The following EXOC6B variants were observed in gnomAD, a reference collection of about 807,000 sequenced individuals.
EXOC6B encodes exocyst complex component 6B.
Under a neutral mutation model 113.5 loss-of-function variants are expected in EXOC6B, and 54 were observed. The observed-to-expected ratio is 0.48, with a 90% CI of 0.38 to 0.60. EXOC6B has a LOEUF of 0.60. EXOC6B is among the 20% of genes least tolerant of loss of function. EXOC6B has a pLI of 0.00. For missense variants in EXOC6B, 797 were observed against 977.5 expected, an observed-to-expected ratio of 0.82 and a Z score of 2.46; for synonymous variants, 357 against 339.0, an observed-to-expected ratio of 1.05 and a Z score of -0.58.
At chr2:72,629,788 C>T (rs970767844) in intron 6 of EXOC6B, among the ~76,000 whole-genome samples, 2 of 152,104 alleles carry the variant, frequency 1.3e-5, no homozygotes, top group African/African-American at 4.8e-5. Context: ...AATTACCTTC[C>T]AATTTGTAAA....
At chr2:72,318,057 A>G (rs1687627194) in intron 20 of EXOC6B, among the ~76,000 whole-genome samples, 1 of 152,166 alleles carries the variant, frequency 6.6e-6, no homozygotes, top group Non-Finnish European at 1.5e-5. Flanking sequence ...TGGCCAATAG[A>G]AGGCTCTTTT....
chr2:72,668,218 C>T (rs1236449241), intron 6 of EXOC6B, among the ~76,000 whole-genome samples: 1 of 151,978 alleles, frequency 6.6e-6, no homozygotes, highest in Non-Finnish European at 1.5e-5. Flanking sequence ...AATGAGATAC[C>T]ACGACACATT....
chr2:72,375,144 A>C lies in EXOC6B; in HGVS notation c.2122+4585T>G, dbSNP rs1305303683. Among the ~76,000 whole-genome samples, 4 of 152,228 alleles carry C rather than the reference A, an allele frequency of 2.6e-5. No individual in the cohort carries two copies. The East Asian group carries it at 7.7e-4, about 29-fold the overall frequency. ...GACATATCAGTTCTAAGTAGTATGC[A>C]CCCAATAACAGAGCTTCAAAATGCA... is the stretch of plus-strand genomic sequence containing the variant. On this transcript the variant is annotated intron_variant, in intron 19 of 21. Transcript: ENST00000272427.
chr2:72,256,210 G>C (rs1180643376), intron 20 of EXOC6B, among the ~76,000 whole-genome samples: 1 of 152,186 alleles, frequency 6.6e-6, no homozygotes, highest in African/African-American at 2.4e-5. Context: ...TTCTCCCTTA[G>C]AGGATTTGGA....
intron 6 of EXOC6B, among the ~76,000 whole-genome samples, chr2:72,674,219 C>T (rs1188322898): frequency 6.6e-6 from 1 of 152,168 alleles, no homozygotes; most frequent in Non-Finnish European, 1.5e-5. Flanking sequence ...CTTCACCTCT[C>T]CCCAGTTTGG....
intron 20 of EXOC6B, among the ~76,000 whole-genome samples, chr2:72,291,138 A>G (rs1458261779): frequency 6.6e-6 from 1 of 152,182 alleles, no homozygotes; most frequent in African/African-American, 2.4e-5. Flanking sequence ...AAAGAAACTG[A>G]GGCTAGAGCA....
intron 6 of EXOC6B, among the ~76,000 whole-genome samples, chr2:72,637,382 C>T (rs1034073391): frequency 4.6e-5 from 7 of 152,000 alleles, no homozygotes; most frequent in Admixed American, 6.6e-5. Flanking sequence ...AAACTATCCA[C>T]CAATGAAGGT....
chr2:72,711,329 A>G (rs1308746763), intron 6 of EXOC6B, among the ~76,000 whole-genome samples: 1 of 152,236 alleles, frequency 6.6e-6, no homozygotes, highest in Admixed American at 6.5e-5. Flanking sequence ...AGATGGCTCT[A>G]TTTCACACGG....
chr2:72,417,164 A>AC (rs1694575299), intron 18 of EXOC6B, among the ~76,000 whole-genome samples: 1 of 152,190 alleles, frequency 6.6e-6, no homozygotes, highest in Admixed American at 6.5e-5. Flanking sequence ...GGTTTATAAA[A>AC]CAGTTTCAAT....
At chr2:72,774,326 G>A (rs917769463) in intron 1 of EXOC6B, among the ~76,000 whole-genome samples, 1 of 152,208 alleles carries the variant, frequency 6.6e-6, no homozygotes, top group Non-Finnish European at 1.5e-5. Flanking sequence ...TAATAAAGAT[G>A]AGCTGAAAAT....
At chr2:72,476,159 G>C (rs1228844757) in intron 17 of EXOC6B, among the ~76,000 whole-genome samples, 1 of 152,136 alleles carries the variant, frequency 6.6e-6, no homozygotes, top group East Asian at 1.9e-4. Context: ...GGCAAGTGAG[G>C]GTCAAGAGAC....
chr2:72,210,305 T>A (rs569652582), intron 20 of EXOC6B, among the ~76,000 whole-genome samples: 1 of 152,324 alleles, frequency 6.6e-6, no homozygotes, highest in South Asian at 2.1e-4. Flanking sequence ...CAGATCCACA[T>A]ATTTAAGTCA....
chr2:72,636,735 A>G (rs1672862250), intron 6 of EXOC6B, among the ~76,000 whole-genome samples: 1 of 152,210 alleles, frequency 6.6e-6, no homozygotes. Context: ...TAAAGGCTGA[A>G]TATTTTCCAC....
chr2:72,212,258 A>G (rs1042927217), intron 20 of EXOC6B, among the ~76,000 whole-genome samples: 1 of 152,186 alleles, frequency 6.6e-6, no homozygotes, highest in Non-Finnish European at 1.5e-5. Context: ...ACCAGCTACC[A>G]ACAGCCTGAT....
At chr2:72,633,482 G>A (rs1237086551) in intron 6 of EXOC6B, among the ~76,000 whole-genome samples, 2 of 152,116 alleles carry the variant, frequency 1.3e-5, no homozygotes, top group African/African-American at 4.8e-5. Context: ...AGATTTTGAT[G>A]CCTCAGAGAG....
At chr2:72,491,378 G>T (rs1699735732) in intron 16 of EXOC6B, among the ~76,000 whole-genome samples, 1 of 151,898 alleles carries the variant, frequency 6.6e-6, no homozygotes, top group Non-Finnish European at 1.5e-5. Flanking sequence ...TTTACCTATA[G>T]GTCAGTATCA....
chr2:72,404,880 G>C (rs1169657370), intron 18 of EXOC6B, among the ~76,000 whole-genome samples: 2 of 152,172 alleles, frequency 1.3e-5, no homozygotes, highest in African/African-American at 4.8e-5. Flanking sequence ...CGAGTTGAGA[G>C]AAGAAGGCTT....
chr2:72,775,060 G>A (rs919884731), intron 1 of EXOC6B, among the ~76,000 whole-genome samples: 1 of 152,262 alleles, frequency 6.6e-6, no homozygotes, highest in Non-Finnish European at 1.5e-5. Flanking sequence ...GGGGATGCAA[G>A]GAGCTTCCAT....
chr2:72,184,550 C>T (rs150271611), intron 20 of EXOC6B, among the ~76,000 whole-genome samples: 158 of 152,272 alleles, frequency 1.0e-3, no homozygotes, highest in African/African-American at 3.1e-3. Flanking sequence ...ATGCCTTCAA[C>T]ATGCCAAGAA....
Sources: gnomAD v4.1 joint callset for allele counts (sites outside exome capture counted in the v4.1 genomes callset) on GRCh38, gnomAD v4.1.1 for gene constraint, MANE v1.5 for transcripts, NCBI Gene and HGNC (gene_info 2026-07-23, HGNC 2026-07-21) for gene names.